DYM: variants seen among roughly 807,000 people sequenced by gnomAD.
DYM encodes the protein dyggve-Melchior-Clausen syndrome protein.
Under a neutral mutation model 93.1 loss-of-function variants are expected in DYM, and 78 were observed. The observed-to-expected ratio is 0.84, with a 90% confidence interval of 0.70 to 1.01. The LOEUF (loss-of-function observed/expected upper bound fraction) is 1.01. DYM is among the 50% of genes least tolerant of loss of function. The pLI is 0.00. For synonymous variants in DYM, 321 were observed against 319.7 expected (o/e 1.00, Z -0.04); for missense variants, 789 against 845.0 (o/e 0.93, Z 0.82).
chr18:49,229,348 T>C (rs928735507), intron 13 of DYM, among the ~76,000 whole-genome samples: 23 of 151,956 alleles, frequency 1.5e-4, no homozygotes, highest in African/African-American at 4.6e-4. Context: ...CTGGAAGAAA[T>C]AAATGTTTGC....
At chr18:49,175,764 C>T (rs946256425) in intron 14 of DYM, among the ~76,000 whole-genome samples, 1 of 152,258 alleles carries the variant, frequency 6.6e-6, no homozygotes, top group Middle Eastern at 3.4e-3. Context: ...CTAGTAGAAC[C>T]TACTGCTCCA....
chr18:49,134,845 C>T (rs1002872506), intron 15 of DYM, among the ~76,000 whole-genome samples: 11 of 152,190 alleles, frequency 7.2e-5, no homozygotes, highest in Admixed American at 5.9e-4. Flanking sequence ...TGGTGGCTCA[C>T]GCCAGTAATT....
rs796419809 is a variant in DYM, at chr18:49,159,335, T to C, written c.1728+4350A>G. ...ATCTCTGAATTTAAATTTTGTCATA[T>C]GAAAATCAGATCAGAATATCCTATA... On this transcript the variant is annotated intron_variant, in intron 15 of 17. Coordinates refer to ENST00000675505, the MANE Select transcript of DYM (RefSeq NM_001353214.3). Among the ~76,000 whole-genome samples, 94 of 152,294 alleles carry C rather than the reference T, an allele frequency of 6.2e-4. 1 individual carries two copies. Among genetic ancestry groups the C allele is most frequent in the African/African-American group, 2.2e-3 (90 of 41,568 alleles).
intron 15 of DYM, among the ~76,000 whole-genome samples, chr18:49,136,629 C>A (rs2083879479): frequency 6.6e-6 from 1 of 152,052 alleles, no homozygotes; most frequent in South Asian, 2.1e-4. Flanking sequence ...TGAGAGTCTT[C>A]TTGGGAAGAA....
intron 17 of DYM, among the ~76,000 whole-genome samples, chr18:49,082,508 G>C (rs1446156856): frequency 6.6e-6 from 1 of 152,178 alleles, no homozygotes; most frequent in Non-Finnish European, 1.5e-5. Flanking sequence ...GTGCAAGGTA[G>C]TGTATTATGT....
chr18:49,292,607 A>ACAAAAAAACAAAAC (rs2060225156), intron 8 of DYM, among the ~76,000 whole-genome samples: 31 of 70,374 alleles, frequency 4.4e-4, no homozygotes, highest in African/African-American at 2.2e-3. Context: ...AAAAAAAAAA[A>ACAAAAAAACAAAAC]AAAAAAAAAA....
Position 49,050,248 on chromosome 18 carries a change from G to A in DYM, c.2026-6044C>T, listed in dbSNP as rs1232383229. 2.6e-5 allele frequency among the ~76,000 whole-genome samples: 4 copies of A among 151,470 alleles called. No individual in the cohort carries two copies. The East Asian group carries it at 7.7e-4, about 29-fold the overall frequency. ...ATTACAGGCATGTGCCACCATGCCCGGCTAGTTTTTTTTTGTATTTTTAGT... is the reference window on the plus strand; with the variant it reads ...ATTACAGGCATGTGCCACCATGCCCAGCTAGTTTTTTTTTGTATTTTTAGT... On this transcript the variant is annotated intron_variant, in intron 17 of 17. Transcript: ENST00000675505.
At chr18:49,052,591 T>A (rs1348153674) in intron 17 of DYM, among the ~76,000 whole-genome samples, 2 of 152,238 alleles carry the variant, frequency 1.3e-5, no homozygotes, top group African/African-American at 4.8e-5. Context: ...GAAGTCCAAC[T>A]TCTTCACTTG....
intron 6 of DYM, among the ~76,000 whole-genome samples, chr18:49,353,348 T>C (rs2065278998): frequency 1.3e-5 from 2 of 152,062 alleles, no homozygotes; most frequent in South Asian, 2.1e-4. Flanking sequence ...CTTCCTTTTG[T>C]GTACTTCCTA....
At chr18:49,152,939 C>T (rs545705117) in intron 15 of DYM, among the ~76,000 whole-genome samples, 24 of 152,140 alleles carry the variant, frequency 1.6e-4, no homozygotes, top group African/African-American at 5.3e-4. Flanking sequence ...GAATCAGAGC[C>T]GTACAGTGGT....
chr18:49,291,690 AAT>A (rs1212198247), intron 8 of DYM, among the ~76,000 whole-genome samples: 6 of 152,222 alleles, frequency 3.9e-5, no homozygotes, highest in Non-Finnish European at 8.8e-5. Flanking sequence ...TCTGTTAAAT[AAT>A]GTGCTCCCTC....
chr18:49,245,856 G>A (rs916759690), intron 13 of DYM, among the ~76,000 whole-genome samples: 4 of 152,144 alleles, frequency 2.6e-5, no homozygotes, highest in Non-Finnish European at 5.9e-5. Flanking sequence ...GTCAACCCCG[G>A]CGGCCCAGCT....
intron 6 of DYM, 60 bp from the exon 7 acceptor site, chr18:49,333,913 C>T: frequency 2.0e-6 from 3 of 1,498,920 alleles, no homozygotes; most frequent in Admixed American, 3.4e-5. Context: ...CTATTCTTTT[C>T]TAAATGAACT....
At chr18:49,231,260 A>G (rs1221648524) in intron 13 of DYM, among the ~76,000 whole-genome samples, 1 of 152,222 alleles carries the variant, frequency 6.6e-6, no homozygotes, top group Non-Finnish European at 1.5e-5. Context: ...GGCAACGTGT[A>G]AACAGATCAA....
chr18:49,097,225 T>A, intron 17 of DYM, 177 bp downstream of exon 17: 1 of 649,212 alleles, frequency 1.5e-6, no homozygotes, highest in East Asian at 2.7e-5. Flanking sequence ...TGCAGTGGCA[T>A]GAAAGTATTA....
intron 15 of DYM, among the ~76,000 whole-genome samples, chr18:49,150,618 C>T (rs2085707153): frequency 6.6e-6 from 1 of 152,218 alleles, no homozygotes; most frequent in South Asian, 2.1e-4. Context: ...ACCACCCAGT[C>T]TACATTTTGT....
chr18:49,253,124 ATC>A, intron 13 of DYM, among the ~76,000 whole-genome samples: 1 of 152,324 alleles, frequency 6.6e-6, no homozygotes, highest in African/African-American at 2.4e-5. Flanking sequence ...GTAACATGTT[ATC>A]TGTTTTGCAT....
intron 1 of DYM, among the ~76,000 whole-genome samples, chr18:49,451,736 C>A (rs2082531769): frequency 6.6e-6 from 1 of 152,176 alleles, no homozygotes; most frequent in Non-Finnish European, 1.5e-5. Flanking sequence ...ACAACACGGT[C>A]CTATCATAAT....
At chr18:49,261,988 T>C (rs1432526360) in intron 11 of DYM, among the ~76,000 whole-genome samples, 1 of 152,174 alleles carries the variant, frequency 6.6e-6, no homozygotes, top group Non-Finnish European at 1.5e-5. Flanking sequence ...GTACCATACA[T>C]AATGTATTAG....
Sources: gnomAD v4.1 joint callset for allele counts (sites outside exome capture counted in the v4.1 genomes callset) on GRCh38, gnomAD v4.1.1 for gene constraint, MANE v1.5 for transcripts, NCBI Gene and HGNC (gene_info 2026-07-23, HGNC 2026-07-21) for gene names.